Variants in LRRIQ1 observed in about 807,000 individuals in gnomAD.
LRRIQ1 encodes leucine-rich repeat- and IQ domain-containing protein 1.
A neutral mutation model predicts 211.9 loss-of-function variants in LRRIQ1; 210 were observed. The ratio of observed to expected loss-of-function variants is 0.99; its 90% confidence interval spans 0.89 to 1.11. LRRIQ1 has a LOEUF of 1.11. LRRIQ1 is among the 50% of genes most tolerant of loss of function. LRRIQ1 has a pLI of 0.00. For synonymous variants in LRRIQ1, 699 were observed against 650.1 expected, an observed-to-expected ratio of 1.08 and a Z score of -1.14; for missense variants, 2,136 against 1,939.5, an observed-to-expected ratio of 1.10 and a Z score of -1.90.
chr12:85,102,954 AAAAAAATATAT>A (rs1182546356), intron 13 of LRRIQ1, among the ~76,000 whole-genome samples: 7 of 120,952 alleles, frequency 5.8e-5, no homozygotes, highest in African/African-American at 1.9e-4. Context: ...CAAAAAAAAA[AAAAAAATATAT>A]ATATATATAT....
At chr12:85,159,003 A>G (rs560567364) in intron 23 of LRRIQ1, among the ~76,000 whole-genome samples, 11 of 152,080 alleles carry the variant, frequency 7.2e-5, no homozygotes, top group African/African-American at 2.6e-4. Flanking sequence ...TATGTTTCTT[A>G]CTTCTTATAA....
rs576088123 is a variant in LRRIQ1, at chr12:85,180,478, TA to T, written c.4822+19772del. Among the ~76,000 whole-genome samples, 5 of 151,838 alleles carry T rather than the reference TA, an allele frequency of 3.3e-5. No homozygotes were observed. The East Asian group carries it at 7.7e-4, about 24-fold the overall frequency. ...GATTTCTCAAGATCATTATTTTAATTAAAAAAAATGATAGTTCAACCTAATG... is the reference window on the plus strand; with the variant it reads ...GATTTCTCAAGATCATTATTTTAATTAAAAAAATGATAGTTCAACCTAATG... On this transcript the variant is annotated intron_variant, in intron 24 of 26. Coordinates refer to ENST00000393217, the MANE Select transcript of LRRIQ1 (RefSeq NM_001079910.2).
intron 3 of LRRIQ1, among the ~76,000 whole-genome samples, chr12:85,043,560 G>C (rs999981409): frequency 6.6e-6 from 1 of 152,026 alleles, no homozygotes; most frequent in Non-Finnish European, 1.5e-5. Flanking sequence ...TGATGGTCAC[G>C]CAGGGTCAGC....
chr12:85,230,146 A>C (rs1480133575), intron 25 of LRRIQ1, among the ~76,000 whole-genome samples: 6 of 152,182 alleles, frequency 3.9e-5, no homozygotes, highest in Non-Finnish European at 7.4e-5. Flanking sequence ...ACAAGGTTGA[A>C]GATATCAAAT....
chr12:85,236,226 A>G (rs1401256106), intron 26 of LRRIQ1, among the ~76,000 whole-genome samples: 1 of 152,194 alleles, frequency 6.6e-6, no homozygotes, highest in South Asian at 2.1e-4. Context: ...TTAAAAAGGT[A>G]TGAATAGTAC....
In LRRIQ1 at chr12:85,120,103, T is replaced by C. The variant is rs370863989; in HGVS notation, c.3378-1594T>C. On this transcript the variant is annotated intron_variant, in intron 15 of 26. Transcript: ENST00000393217. ...TTCCTTTTGCATTTTATCTAAAAAA[T>C]CATCATCATACCAAAGGTCATCTAG... Among the ~76,000 whole-genome samples the C allele has an allele frequency of 1.4e-4, 21 of 152,316 alleles. 1 individual carries two copies. The East Asian group carries it at 2.3e-3, about 17-fold the overall frequency.
chr12:85,244,041 T>C (rs1015668489), intron 26 of LRRIQ1, among the ~76,000 whole-genome samples: 2 of 151,628 alleles, frequency 1.3e-5, no homozygotes, highest in South Asian at 4.1e-4. Context: ...CCTCATGGCA[T>C]TTCCCCCTAT....
rs762053408 is a variant in LRRIQ1, at chr12:85,106,519, T to C, written c.3284-3T>C. 24 of 1,589,480 alleles carry C rather than the reference T, an allele frequency of 1.5e-5. No homozygotes were observed. The highest frequency in any genetic ancestry group is 2.1e-5 in the Non-Finnish European group (24 of 1,160,224). On this transcript the variant is annotated splice_polypyrimidine_tract_variant and splice_region_variant and intron_variant, in intron 14 of 26. Transcript: ENST00000393217. Reference sequence around the variant, plus strand: ...CCTTTCAAAATGATTTTATTTTCTGTAGATCTTAAAAGTGCCATAAAATGG... The same window carrying C: ...CCTTTCAAAATGATTTTATTTTCTGCAGATCTTAAAAGTGCCATAAAATGG...
exon 2 of LRRIQ1, chr12:85,262,996 A>G: frequency 1.0e-6 from 1 of 987,914 alleles, no homozygotes; most frequent in Non-Finnish European, 1.2e-6. Context: ...TCATTCCGAG[A>G]CAATCCTGTA....
intron 18 of LRRIQ1, among the ~76,000 whole-genome samples, chr12:85,135,725 A>C (rs1375765974): frequency 6.6e-6 from 1 of 152,006 alleles, no homozygotes; most frequent in East Asian, 1.9e-4. Flanking sequence ...TAGTAGTCTC[A>C]TCAAGTTCAA....
rs143070011 is a variant in LRRIQ1 at position 85,044,806 on chromosome 12, T to G, written c.333T>G (p.Ile111Met). The change falls in exon 4 of 27, where the codon ATT becomes ATG. Residue 111 changes from isoleucine (I) to methionine (M), a missense_variant. Coordinates refer to ENST00000393217, the MANE Select transcript of LRRIQ1 (RefSeq NM_001079910.2). ...ATGAAGAAAGTTCAGAGCAATTAAT[T>G]AAGGTATATATTCAATATTTGACTT... ...TEYEESSEQL[I>M]KILSEIEKEE... is the part of the protein sequence containing the mutation. The G allele has an allele frequency of 1.3e-4, 182 of 1,381,906 alleles. No homozygotes were observed. The highest frequency in any genetic ancestry group is 1.8e-4 in the Non-Finnish European group (172 of 976,576). The allele number at this position is 1,381,906 out of a possible 1,614,324, so 85.6% of individuals were successfully genotyped here.
At chr12:85,136,532 T>A (rs541145993) in intron 18 of LRRIQ1, among the ~76,000 whole-genome samples, 2 of 152,032 alleles carry the variant, frequency 1.3e-5, no homozygotes, top group South Asian at 4.1e-4. Context: ...TTGACCATTC[T>A]TGGCTAATTG....
At chr12:85,098,246 T>C in intron 11 of LRRIQ1, 109 bp from the exon 12 acceptor site, 1 of 662,422 alleles carries the variant, frequency 1.5e-6, no homozygotes, top group South Asian at 2.1e-5. Flanking sequence ...TTGTAATTAA[T>C]GATAGTGAGA....
chr12:85,048,795 T>A (rs73379743), intron 6 of LRRIQ1, among the ~76,000 whole-genome samples: 2,457 of 152,236 alleles, frequency 0.016, 62 homozygotes, highest in African/African-American at 0.057. Context: ...GTAGTATTTG[T>A]TGGTTTGTAC....
intron 24 of LRRIQ1, among the ~76,000 whole-genome samples, chr12:85,180,708 A>G (rs1193959688): frequency 6.6e-6 from 1 of 151,964 alleles, no homozygotes; most frequent in East Asian, 1.9e-4. Flanking sequence ...AACAATACCT[A>G]ATGCATACAA....
At chr12:85,192,520 A>C (rs1209200859) in intron 24 of LRRIQ1, among the ~76,000 whole-genome samples, 1 of 122,754 alleles carries the variant, frequency 8.1e-6, no homozygotes, top group African/African-American at 3.2e-5. Flanking sequence ...ATATATAGTT[A>C]TATAATATAA....
exon 2 of LRRIQ1, chr12:85,263,010 C>G (rs990132412): frequency 3.2e-5 from 32 of 987,888 alleles, no homozygotes; most frequent in Non-Finnish European, 3.7e-5. Context: ...TCCTGTACAA[C>G]TCAGTGGTGG....
At chr12:85,270,807 C>T in the LRRIQ1 span, among the ~76,000 whole-genome samples, 1 of 152,228 alleles carries the variant, frequency 6.6e-6, no homozygotes, top group Middle Eastern at 3.4e-3. Flanking sequence ...TAGAAGATAA[C>T]ATTGAATCAG....
rs1370764882 is a variant in LRRIQ1, at chr12:85,195,083, A to T, written c.4822+34369A>T. Among the ~76,000 whole-genome samples the T allele has an allele frequency of 5.9e-3, 892 of 152,200 alleles. 8 individuals carry two copies. The highest frequency in any genetic ancestry group is 8.9e-3 in the Non-Finnish European group (603 of 67,980). ...AACTAGAAAATCTAGAAGAAATGGA[A>T]AAATTCCTGGACACATACACTCTCC... On this transcript the variant is annotated intron_variant, in intron 24 of 26. Coordinates refer to ENST00000393217, the MANE Select transcript of LRRIQ1 (RefSeq NM_001079910.2).
Sources: allele counts gnomAD v4.1 joint callset (sites outside exome capture counted in the v4.1 genomes callset), GRCh38; gene constraint gnomAD v4.1.1; transcripts MANE v1.5; gene names NCBI Gene and HGNC (gene_info 2026-07-23, HGNC 2026-07-21).